ALDH2: variants seen among roughly 807,000 people sequenced by gnomAD.
ALDH2 encodes aldehyde dehydrogenase 2 family member, also known as aldehyde dehydrogenase, mitochondrial.
In ALDH2, 44 loss-of-function variants were observed where a neutral mutation model predicts 59.6. The observed-to-expected ratio is 0.74, with a 90% CI of 0.58 to 0.95. ALDH2 has a LOEUF of 0.95. Ranked by LOEUF, ALDH2 falls within the 40% of genes least tolerant of loss-of-function variation. The pLI, the probability that ALDH2 is intolerant of heterozygous loss-of-function variation, is 0.00. For missense variants in ALDH2, 570 were observed against 696.3 expected, an observed-to-expected ratio of 0.82 and a Z score of 2.04; for synonymous variants, 291 against 284.0, an observed-to-expected ratio of 1.02 and a Z score of -0.25.
chr12:111,801,425 G>A (rs746130619), intron 11 of ALDH2, among the ~76,000 whole-genome samples: 1 of 152,178 alleles, frequency 6.6e-6, no homozygotes, highest in African/African-American at 2.4e-5. Flanking sequence ...CTGTCTGGGT[G>A]CGGTGGCTCA....
intron 7 of ALDH2, 21 bp from the exon 8 acceptor site, chr12:111,792,040 C>T: frequency 6.6e-7 from 1 of 1,518,908 alleles, no homozygotes. Flanking sequence ...AGAGCTTGTT[C>T]CTGTCTTTCT....
At chr12:111,793,462 G>C (rs549949844) in intron 9 of ALDH2, among the ~76,000 whole-genome samples, 1 of 151,986 alleles carries the variant, frequency 6.6e-6, no homozygotes, top group Admixed American at 6.6e-5. Flanking sequence ...ATATTCCTTC[G>C]CACCTCCCTG....
intron 3 of ALDH2, 63 bp downstream of exon 3, chr12:111,783,361 G>C: frequency 2.0e-6 from 3 of 1,525,598 alleles, no homozygotes; most frequent in African/African-American, 2.7e-5. Flanking sequence ...AGCATCCTGT[G>C]AACAGCCAGG....
chr12:111,779,737 C>A (rs2136011734), intron 1 of ALDH2, among the ~76,000 whole-genome samples: 1 of 152,320 alleles, frequency 6.6e-6, no homozygotes, highest in Admixed American at 6.5e-5. Context: ...GTAGCCTTTG[C>A]CTCAGCACTG....
intron 1 of ALDH2, among the ~76,000 whole-genome samples, chr12:111,770,676 G>A (rs1005472996): frequency 6.6e-6 from 1 of 151,944 alleles, no homozygotes; most frequent in Non-Finnish European, 1.5e-5. Flanking sequence ...ACAGACTCTT[G>A]CTCTGTTGCC....
intron 1 of ALDH2, among the ~76,000 whole-genome samples, chr12:111,776,314 C>T (rs1374061385): frequency 6.6e-6 from 1 of 152,190 alleles, no homozygotes; most frequent in African/African-American, 2.4e-5. Flanking sequence ...GGATCTAGAA[C>T]ACTGCAGGAC....
chr12:111,767,881 CCTTCT>C (rs1239033490), intron 1 of ALDH2, among the ~76,000 whole-genome samples: 1 of 152,170 alleles, frequency 6.6e-6, no homozygotes, highest in Non-Finnish European at 1.5e-5. Flanking sequence ...ATGTTGGCTG[CCTTCT>C]CTGACTTAAG....
intron 1 of ALDH2, among the ~76,000 whole-genome samples, chr12:111,769,640 A>C (rs1265030400): frequency 1.3e-5 from 2 of 151,858 alleles, no homozygotes; most frequent in African/African-American, 2.4e-5. Flanking sequence ...CTCACTGAAC[A>C]ATGTACCTGG....
chr12:111,767,754 C>T (rs1445436097), intron 1 of ALDH2, among the ~76,000 whole-genome samples: 1 of 152,206 alleles, frequency 6.6e-6, no homozygotes, highest in Non-Finnish European at 1.5e-5. Context: ...TTATTGATTG[C>T]TCAATCAGTA....
At chr12:111,803,573 C>G (rs1365213304) in intron 11 of ALDH2, among the ~76,000 whole-genome samples, 1 of 151,880 alleles carries the variant, frequency 6.6e-6, no homozygotes, top group Non-Finnish European at 1.5e-5. Context: ...GACCCTGTCT[C>G]TTAAAAAAAA....
At chr12:111,805,070 G>A (rs1292647216) in intron 12 of ALDH2, among the ~76,000 whole-genome samples, 1 of 152,092 alleles carries the variant, frequency 6.6e-6, no homozygotes, top group Non-Finnish European at 1.5e-5. Flanking sequence ...ACAGGTATCT[G>A]TTACAAATGT....
intron 1 of ALDH2, among the ~76,000 whole-genome samples, chr12:111,768,604 C>T (rs1415050787): frequency 3.9e-5 from 6 of 151,928 alleles, no homozygotes; most frequent in Non-Finnish European, 5.9e-5. Flanking sequence ...TTTGGGAGGC[C>T]GAGGTGGGAT....
At chr12:111,783,123 T>A in intron 2 of ALDH2, 35 bp from the exon 3 acceptor site, 1 of 1,593,462 alleles carries the variant, frequency 6.3e-7, no homozygotes, top group Non-Finnish European at 8.6e-7. Flanking sequence ...GACCTGAGTT[T>A]TCCAGGAAGG....
At chr12:111,768,472 G>A (rs2068175062) in intron 1 of ALDH2, among the ~76,000 whole-genome samples, 1 of 152,230 alleles carries the variant, frequency 6.6e-6, no homozygotes, top group Non-Finnish European at 1.5e-5. Flanking sequence ...CATAACACAA[G>A]CTAAAAAGGC....
At chr12:111,803,415 T>C (rs148568389) in intron 11 of ALDH2, among the ~76,000 whole-genome samples, 2,336 of 149,096 alleles carry the variant, frequency 0.016, 70 homozygotes, top group African/African-American at 0.055. Flanking sequence ...CTGGGCAACA[T>C]AGTGAGACCC....
At chr12:111,807,532 T>C (rs2068506521) in intron 12 of ALDH2, among the ~76,000 whole-genome samples, 1 of 152,104 alleles carries the variant, frequency 6.6e-6, no homozygotes, top group African/African-American at 2.4e-5. Flanking sequence ...TCTTGGCACA[T>C]GACTAGTGTT....
chr12:111,767,979 C>T (rs1159693708), intron 1 of ALDH2, among the ~76,000 whole-genome samples: 2 of 152,224 alleles, frequency 1.3e-5, no homozygotes, highest in Non-Finnish European at 2.9e-5. Context: ...TAGTTAATCA[C>T]AGCTCCTGTC....
intron 1 of ALDH2, among the ~76,000 whole-genome samples, chr12:111,773,561 G>A (rs1295356494): frequency 6.6e-6 from 1 of 152,178 alleles, no homozygotes; most frequent in Non-Finnish European, 1.5e-5. Flanking sequence ...CCCGTCTTGC[G>A]GGTGAGGAAA....
At chr12:111,782,169 A>C in intron 2 of ALDH2, 147 bp downstream of exon 2, 1 of 627,820 alleles carries the variant, frequency 1.6e-6, no homozygotes, top group South Asian at 1.8e-5. Context: ...TAATCAATAG[A>C]AACTTGTCTG....
Sources: allele counts gnomAD v4.1 joint callset (sites outside exome capture counted in the v4.1 genomes callset), GRCh38; gene constraint gnomAD v4.1.1; transcripts MANE v1.5; gene names NCBI Gene and HGNC (gene_info 2026-07-23, HGNC 2026-07-21).